PIK3CA: variants seen among roughly 807,000 people sequenced by gnomAD.
The protein encoded by PIK3CA is phosphatidylinositol-4,5-bisphosphate 3-kinase catalytic subunit alpha.
In PIK3CA, 27 loss-of-function variants were observed where a neutral mutation model predicts 138.2. The observed-to-expected ratio is 0.20, with a 90% CI of 0.14 to 0.27. The LOEUF (loss-of-function observed/expected upper bound fraction) is 0.27. PIK3CA is among the 10% of genes least tolerant of loss of function. The probability of loss-of-function intolerance (pLI) is 1.00; values close to 1 mark genes in which losing one functional copy is unlikely to be tolerated. For missense variants in PIK3CA, 544 were observed against 1,277.4 expected (o/e 0.43, Z 8.75); for synonymous variants, 358 against 413.2 (o/e 0.87, Z 1.62).
At position 179,229,443 on chromosome 3, in the gene PIK3CA, G is replaced by GT; in HGVS notation, c.2666+2dup. Reference sequence around the variant, plus strand: ...TCAAAGACAAGAACAAAGGAGAAATGTGAGTTGTATTATTCTTTCTTCCTA... The same window carrying GT: ...TCAAAGACAAGAACAAAGGAGAAATGTTGAGTTGTATTATTCTTTCTTCCTA... On this transcript the variant is annotated splice_donor_variant, in intron 18 of 20. Transcript: ENST00000263967. LOFTEE classifies it high-confidence loss of function. 3 of 1,608,322 alleles carry GT rather than the reference G, an allele frequency of 1.9e-6. No individual in the cohort carries two copies. The highest frequency in any genetic ancestry group is 2.5e-6 in the Non-Finnish European group (3 of 1,177,422).
chr3:179,221,696 CTTTTTTTTTTTT>C (rs200211358), intron 14 of PIK3CA, among the ~76,000 whole-genome samples: 2 of 77,570 alleles, frequency 2.6e-5, no homozygotes, highest in East Asian at 3.7e-4. Flanking sequence ...ACAATGTAAA[CTTTTTTTTTTTT>C]TTTTTTTTTT....
chr3:179,151,464 G>T (rs1723012546), intron 1 of PIK3CA, among the ~76,000 whole-genome samples: 1 of 152,126 alleles, frequency 6.6e-6, no homozygotes. Context: ...ATGAACAGTG[G>T]TTTTCAATCC....
intron 17 of PIK3CA, among the ~76,000 whole-genome samples, chr3:179,228,213 T>G (rs1390863456): frequency 6.6e-6 from 1 of 152,008 alleles, no homozygotes; most frequent in Non-Finnish European, 1.5e-5. Flanking sequence ...CTGAACCTAA[T>G]AGAGTCCCTA....
In PIK3CA at chr3:179,220,469, T is replaced by C. The variant is rs1460817988; in HGVS notation, c.2015+417T>C. Among the ~76,000 whole-genome samples the C allele has an allele frequency of 6.6e-6, 1 of 152,146 alleles. No individual in the cohort carries two copies. The highest frequency in any genetic ancestry group is 1.9e-4 in the East Asian group (1 of 5,192). ...CAAGCTAATTAAGAATAAAAAATGT[T>C]TTGTAGAATGTGATATATGTAGTAC... On this transcript the variant is annotated intron_variant, in intron 13 of 20. Coordinates refer to ENST00000263967, the MANE Select transcript of PIK3CA (RefSeq NM_006218.4). The surrounding 1 kb of genome is among the most constrained non-coding windows in gnomAD (Gnocchi z 4.1).
intron 6 of PIK3CA, 131 bp downstream of exon 6, chr3:179,204,719 C>CT (rs1724512442): frequency 2.0e-6 from 1 of 504,492 alleles, no homozygotes; most frequent in African/African-American, 1.9e-5. Context: ...AAAAGTTTTT[C>CT]TTAAAAATTA....
chr3:179,156,393 G>T (rs1353236106), intron 1 of PIK3CA, among the ~76,000 whole-genome samples: 1 of 152,170 alleles, frequency 6.6e-6, no homozygotes, highest in Admixed American at 6.5e-5. Context: ...ACTTGTCACA[G>T]CACCCTTAAT....
chr3:179,235,036 ATAAGGTGGTATTTTT>A lies in PIK3CA; in HGVS notation c.*674_*688del, dbSNP rs1159083036. The A allele has an allele frequency of 9.8e-6, 2 of 203,758 alleles. No homozygotes were observed. Among genetic ancestry groups the A allele is most frequent in the African/African-American group, 2.3e-5 (1 of 43,556 alleles). The allele number at this position is 203,758 out of a possible 1,614,324, so 12.6% of individuals were successfully genotyped here. ...GAAGCAGTCACAAATGAGACCTGTTATAAGGTGGTATTTTTTTTTTTCTTCTGGACAGTATTTAAA... is the reference window on the plus strand; with the variant it reads ...GAAGCAGTCACAAATGAGACCTGTTATTTTTTCTTCTGGACAGTATTTAAA... On this transcript the variant is annotated 3_prime_UTR_variant, in exon 21 of 21. Transcript: ENST00000263967.
intron 1 of PIK3CA, among the ~76,000 whole-genome samples, chr3:179,191,415 A>G (rs1405053135): frequency 6.6e-6 from 1 of 152,212 alleles, no homozygotes; most frequent in Non-Finnish European, 1.5e-5. Flanking sequence ...TTGGTCATTC[A>G]GCAAACATTT....
chr3:179,150,018 T>G (rs1261571814), intron 1 of PIK3CA, among the ~76,000 whole-genome samples: 2 of 151,878 alleles, frequency 1.3e-5, no homozygotes, highest in South Asian at 4.1e-4. Context: ...TTTTGGTGTT[T>G]TTTTTTTTTC....
intron 4 of PIK3CA, 24 bp downstream of exon 4, chr3:179,201,564 T>A (rs2108390312): frequency 6.8e-7 from 1 of 1,460,326 alleles, no homozygotes; most frequent in Non-Finnish European, 9.3e-7. Flanking sequence ...TTCAAAATAT[T>A]AATTTTTAAT....
intron 7 of PIK3CA, among the ~76,000 whole-genome samples, chr3:179,209,925 C>T (rs1458318144): frequency 6.6e-6 from 1 of 151,998 alleles, no homozygotes; most frequent in Non-Finnish European, 1.5e-5. Context: ...TTTAAAAATG[C>T]AAAGTGACTA....
intron 1 of PIK3CA, among the ~76,000 whole-genome samples, chr3:179,151,422 C>T (rs1026000965): frequency 1.2e-4 from 18 of 152,158 alleles, no homozygotes; most frequent in African/African-American, 4.1e-4. Context: ...CCTATATTTG[C>T]AGTAATATCT....
intron 9 of PIK3CA, among the ~76,000 whole-genome samples, chr3:179,212,241 C>G (rs1724731558): frequency 6.6e-6 from 1 of 150,744 alleles, no homozygotes; most frequent in Non-Finnish European, 1.5e-5. Context: ...CTCCTGACTT[C>G]ATGTGATCCA....
intron 17 of PIK3CA, among the ~76,000 whole-genome samples, chr3:179,227,435 G>A (rs1325180742): frequency 2.0e-5 from 3 of 152,026 alleles, no homozygotes; most frequent in East Asian, 1.9e-4. Context: ...CCCTATTTAC[G>A]AGGGCAGGTA....
At chr3:179,227,300 C>T (rs1260869927) in intron 17 of PIK3CA, among the ~76,000 whole-genome samples, 1 of 151,396 alleles carries the variant, frequency 6.6e-6, no homozygotes, top group African/African-American at 2.4e-5. Context: ...TTATTTTAAC[C>T]CTGCTTCTTT....
rs565416292 is a variant in PIK3CA, at chr3:179,228,020, T to C, written c.2496-1252T>C. ...ACTTAAATAACTAGTAGGCAAGCTA[T>C]GGTTATTCAGACATGGATATTTGGC... On this transcript the variant is annotated intron_variant, in intron 17 of 20. Coordinates refer to ENST00000263967, the MANE Select transcript of PIK3CA (RefSeq NM_006218.4). 3.0e-4 allele frequency among the ~76,000 whole-genome samples: 46 copies of C among 152,210 alleles called. No homozygotes were observed. In the East Asian group the frequency reaches 6.8e-3, roughly 22 times the overall value.
At chr3:179,185,577 A>G (rs1323225744) in intron 1 of PIK3CA, among the ~76,000 whole-genome samples, 1 of 152,216 alleles carries the variant, frequency 6.6e-6, no homozygotes, top group Non-Finnish European at 1.5e-5. Flanking sequence ...TTGAGGGCTC[A>G]GTCACAAGAC....
In PIK3CA at chr3:179,240,074, A is replaced by G. The variant is rs939060436; in HGVS notation, c.*5710A>G. The G allele has an allele frequency of 6.0e-6, 5 of 840,030 alleles. No homozygotes were observed. Among genetic ancestry groups the G allele is most frequent in the Non-Finnish European group, 6.5e-6 (4 of 615,976 alleles). 52.0% of individuals were successfully genotyped at this position (840,030 alleles called of 1,614,324 possible). A position where few individuals can be genotyped will look rare whatever the true frequency, so the allele number is the denominator to read the frequency against. On this transcript the variant is annotated 3_prime_UTR_variant, in exon 21 of 21. Transcript: ENST00000263967. ...AGTCTGTAACATCACGCTGTTTATT[A>G]AAAAAAAAAAGAAAAATTACTTTTT... is the stretch of plus-strand genomic sequence containing the variant.
At chr3:179,225,376 T>C (rs1428568628) in intron 16 of PIK3CA, among the ~76,000 whole-genome samples, 3 of 152,086 alleles carry the variant, frequency 2.0e-5, no homozygotes, top group Admixed American at 1.3e-4. Context: ...AAGGTACTTA[T>C]ATGGAGGAAA....
Sources: allele counts gnomAD v4.1 joint callset (sites outside exome capture counted in the v4.1 genomes callset), GRCh38; gene constraint gnomAD v4.1.1; non-coding constraint Gnocchi (gnomAD v3.1); transcripts MANE v1.5; gene names NCBI Gene and HGNC (gene_info 2026-07-23, HGNC 2026-07-21).